Variants in OR13A1 observed in about 807,000 individuals in gnomAD.
OR13A1 encodes olfactory receptor 13A1.
Under a neutral mutation model 7.5 loss-of-function variants are expected in OR13A1, and 10 were observed. That is an observed-to-expected ratio of 1.34 (90% CI 0.83 to 2.27). The LOEUF (loss-of-function observed/expected upper bound fraction) is 2.27. Ranked by LOEUF, OR13A1 falls within the 30% of genes most tolerant of loss-of-function variation. The probability of loss-of-function intolerance (pLI) is 0.00; values close to 1 mark genes in which losing one functional copy is unlikely to be tolerated. For synonymous variants in OR13A1, 238 were observed against 177.9 expected, an observed-to-expected ratio of 1.34 and a Z score of -2.69; for missense variants, 509 against 419.1, an observed-to-expected ratio of 1.21 and a Z score of -1.87.
chr10:45,305,374 A>G (rs1838307093), intron 3 of OR13A1, among the ~76,000 whole-genome samples: 1 of 152,252 alleles, frequency 6.6e-6, no homozygotes, highest in Admixed American at 6.5e-5. Flanking sequence ...AAAATTTAAA[A>G]TAAAAATAAA....
chr10:45,303,780 C>T lies in OR13A1; in HGVS notation c.643G>A (p.Val215Ile). Residue 215 changes from valine (V) to isoleucine (I), a missense_variant, in exon 4 of 4, where the codon GTC (valine) becomes ATC (isoleucine). Physicochemically the swap from Val to Ile is conservative, Grantham distance 29. Transcript: ENST00000553795. Reference sequence around the variant, plus strand: ...AAAGCATCCGCCAGGACAATCATGACACCGTTGACGTAGGTGGAGCTGCAG... The same window carrying T: ...AAAGCATCCGCCAGGACAATCATGATACCGTTGACGTAGGTGGAGCTGCAG... ...LSCSSTYVNG[V>I]MIVLADAFYG... 1 of 1,614,030 alleles carries T rather than the reference C, an allele frequency of 6.2e-7. No individual in the cohort carries two copies. The highest frequency in any genetic ancestry group is 8.5e-7 in the Non-Finnish European group (1 of 1,180,042).
Position 45,304,073 on chromosome 10 carries a change from G to C in OR13A1, c.350C>G (p.Ala117Gly), listed in dbSNP as rs572809211. ...ESSISYGGCM[A>G]QLYFLTWAAS... is the part of the protein sequence containing the mutation. ...AGCCCACGTGAGGAAATAGAGCTGG[G>C]CCATGCAGCCCCCGTAGGAGATGGA... Residue 117 changes from alanine to glycine, a missense_variant, in exon 4 of 4, where the codon GCC becomes GGC. Coordinates refer to ENST00000553795, the MANE Select transcript of OR13A1 (RefSeq NM_001004297.3). The C allele has an allele frequency of 3.7e-6, 6 of 1,613,952 alleles. No individual in the cohort carries two copies. In the Admixed American group the frequency reaches 1.0e-4, roughly 27 times the overall value.
At chr10:45,311,128 C>T (rs1838436251) in intron 1 of OR13A1, among the ~76,000 whole-genome samples, 1 of 152,182 alleles carries the variant, frequency 6.6e-6, no homozygotes, top group South Asian at 2.1e-4. Context: ...TACCACTGCT[C>T]AATTTTTCCA....
chr10:45,304,118 C>A lies in OR13A1; in HGVS notation c.305G>T (p.Ser102Ile), dbSNP rs1485699050. 6.2e-7 allele frequency: 1 copy of A among 1,614,082 alleles called. No homozygotes were observed. Among genetic ancestry groups the A allele is most frequent in the Non-Finnish European group, 8.5e-7 (1 of 1,180,036 alleles). Residue 102 changes from serine (S) to isoleucine (I), a missense_variant, in exon 4 of 4, where the codon AGT (serine) becomes ATT (isoleucine). Physicochemically the swap from Ser to Ile is moderately radical, Grantham distance 142. Transcript: ENST00000553795. Reference protein sequence around the residue: ...TSSIMPKALASLVSEESSISY... With the variant: ...TSSIMPKALAILVSEESSISY... ...GATGGAGCTCTCTTCCGACACCAGACTGGCCAGCGCCTTGGGCATGATGGA... is the reference window on the plus strand; with the variant it reads ...GATGGAGCTCTCTTCCGACACCAGAATGGCCAGCGCCTTGGGCATGATGGA...
Position 45,303,482 on chromosome 10 carries a change from T to G in OR13A1, c.941A>C (p.Glu314Ala). Residue 314 changes from glutamate (E) to alanine (A), a missense_variant, in exon 4 of 4, where the codon GAG (glutamate) becomes GCG (alanine). Coordinates refer to ENST00000553795, the MANE Select transcript of OR13A1 (RefSeq NM_001004297.3). ...AAGCTTCCTGAGGGCTGCTTTGACCTCCTTGTTTCTCAAAGTATAGATGAG... is the reference window on the plus strand; with the variant it reads ...AAGCTTCCTGAGGGCTGCTTTGACCGCCTTGTTTCTCAAAGTATAGATGAG... The part of the protein sequence containing the change: ...NPLIYTLRNK[E>A]VKAALRKLFP... 1 of 1,611,286 alleles carries G rather than the reference T, an allele frequency of 6.2e-7. No individual in the cohort carries two copies. The highest frequency in any genetic ancestry group is 8.5e-7 in the Non-Finnish European group (1 of 1,178,576).
rs772757387 is a variant in OR13A1 at position 45,303,977 on chromosome 10, T to G, written c.446A>C (p.His149Pro). The change falls in exon 4 of 4, where the codon CAT (histidine) becomes CCT (proline). Residue 149 changes from histidine (H) to proline (P), a missense_variant. By Grantham distance (77) the His-to-Pro change is moderately conservative (BLOSUM62 -2). Coordinates refer to ENST00000553795, the MANE Select transcript of OR13A1 (RefSeq NM_001004297.3). ...CACCTTGCTCATCATGCTGCTGTAA[T>G]GCAGCGGGTGGCAGATGGCTGCGTA... ...DRYAAICHPL[H>P]YSSMMSKVFC... 6.2e-7 allele frequency: 1 copy of G among 1,613,120 alleles called. No individual in the cohort carries two copies. The highest frequency in any genetic ancestry group is 8.5e-7 in the Non-Finnish European group (1 of 1,179,390).
rs1215274720 is a variant in OR13A1 at position 45,303,911 on chromosome 10, G to C, written c.512C>G (p.Ala171Gly). Residue 171 changes from alanine (A) to glycine (G), a missense_variant, in exon 4 of 4, where the codon GCC becomes GGC. By Grantham distance (60) the Ala-to-Gly change is moderately conservative. Coordinates refer to ENST00000553795, the MANE Select transcript of OR13A1 (RefSeq NM_001004297.3). ...CCCCGTGTGGATGGCCGTGTTGACGGCGCAGAGCAGCCACACGGCTGTGGC... is the reference window on the plus strand; with the variant it reads ...CCCCGTGTGGATGGCCGTGTTGACGCCGCAGAGCAGCCACACGGCTGTGGC... Reference protein sequence around the residue: ...GLATAVWLLCAVNTAIHTGLM... With the variant: ...GLATAVWLLCGVNTAIHTGLM... The C allele has an allele frequency of 1.9e-6, 3 of 1,613,444 alleles. No homozygotes were observed.
At chr10:45,313,464 A>T (rs550672104) in intron 1 of OR13A1, among the ~76,000 whole-genome samples, 1 of 152,246 alleles carries the variant, frequency 6.6e-6, no homozygotes, top group South Asian at 2.1e-4. Flanking sequence ...AAATGGATTA[A>T]ACTCCTGAAT....
chr10:45,308,983 G>T (rs1838389954), intron 1 of OR13A1: 1 of 152,208 alleles, frequency 6.6e-6, no homozygotes, highest in Admixed American at 6.5e-5. Context: ...ATTACTCTAA[G>T]TGGACCCTGA....
intron 1 of OR13A1, among the ~76,000 whole-genome samples, chr10:45,310,135 C>A (rs1481854052): frequency 6.6e-6 from 1 of 152,186 alleles, no homozygotes; most frequent in Non-Finnish European, 1.5e-5. Context: ...GATCCATGAA[C>A]AAGGAATTCC....
In OR13A1 at chr10:45,303,692, A is replaced by G. The variant is rs1838256249; in HGVS notation, c.731T>C (p.Leu244Pro). ...ASYGFIVSSI[L>P]KVKTAWGRQK... ...CCTCCCCCAGGCAGTCTTCACCTTC[A>G]GGATGCTGGAGACGATGAAGCCATA... The change falls in exon 4 of 4, where the codon CTG (leucine) becomes CCG (proline). Residue 244 changes from leucine (L) to proline (P), a missense_variant. Physicochemically the swap from Leu to Pro is moderately conservative, Grantham distance 98 (BLOSUM62 -3). Transcript: ENST00000553795. 6.2e-7 allele frequency: 1 copy of G among 1,614,226 alleles called. No individual in the cohort carries two copies. The highest frequency in any genetic ancestry group is 8.5e-7 in the Non-Finnish European group (1 of 1,180,038).
Position 45,304,102 on chromosome 10 carries a change from C to A in OR13A1, c.321G>T (p.Glu107Asp). 1 of 1,614,104 alleles carries A rather than the reference C, an allele frequency of 6.2e-7. No individual in the cohort carries two copies. The highest frequency in any genetic ancestry group is 8.5e-7 in the Non-Finnish European group (1 of 1,179,994). The change falls in exon 4 of 4, where the codon GAG (glutamate) becomes GAT (aspartate). Residue 107 changes from glutamate to aspartate, a missense_variant. Transcript: ENST00000553795. Reference protein sequence around the residue: ...PKALASLVSEESSISYGGCMA... With the variant: ...PKALASLVSEDSSISYGGCMA... ...TGCAGCCCCCGTAGGAGATGGAGCT[C>A]TCTTCCGACACCAGACTGGCCAGCG...
chr10:45,304,471 GC>G, intron 3 of OR13A1, 37 bp from the exon 4 acceptor site: 1 of 1,550,472 alleles, frequency 6.4e-7, no homozygotes, highest in Non-Finnish European at 8.7e-7. Context: ...GAGGAAGGCT[GC>G]TCCCGTGTTT....
intron 1 of OR13A1, among the ~76,000 whole-genome samples, chr10:45,309,570 C>T (rs1838402840): frequency 1.3e-5 from 2 of 152,092 alleles, no homozygotes; most frequent in Non-Finnish European, 2.9e-5. Flanking sequence ...CTGAAAGTTA[C>T]TGGTCATGTG....
chr10:45,309,935 A>G (rs1230814128), intron 1 of OR13A1, among the ~76,000 whole-genome samples: 1 of 152,228 alleles, frequency 6.6e-6, no homozygotes, highest in Non-Finnish European at 1.5e-5. Context: ...TTCAATATAT[A>G]GAATGGGAAT....
At chr10:45,312,614 A>T (rs1267921055) in intron 1 of OR13A1, among the ~76,000 whole-genome samples, 1 of 152,094 alleles carries the variant, frequency 6.6e-6, no homozygotes, top group African/African-American at 2.4e-5. Flanking sequence ...TCACAGTGAG[A>T]CACACTATAA....
rs115469456 is a variant in OR13A1, at chr10:45,303,034, A to G, written c.*402T>C. The G allele has an allele frequency of 2.2e-3, 361 of 165,664 alleles. No individual in the cohort carries two copies. The highest frequency in any genetic ancestry group is 7.7e-3 in the African/African-American group (321 of 41,946). The allele number at this position is 165,664 out of a possible 1,614,324, so 10.3% of individuals were successfully genotyped here. A position where few individuals can be genotyped will look rare whatever the true frequency, so the allele number is the denominator to read the frequency against. ...CCCTTCAGGGGCTGTGGGGTCCACA[A>G]TTCTGCCTAACTTTTTAGACCCACA... is the stretch of plus-strand genomic sequence containing the variant. On this transcript the variant is annotated 3_prime_UTR_variant, in exon 4 of 4. Transcript: ENST00000553795.
Position 45,303,687 on chromosome 10 carries a change from C to T in OR13A1, c.736G>A (p.Val246Met), listed in dbSNP as rs374173884. ...YGFIVSSILK[V>M]KTAWGRQKAF... ...TTCTGCCTCCCCCAGGCAGTCTTCA[C>T]CTTCAGGATGCTGGAGACGATGAAG... Residue 246 changes from valine (V) to methionine (M), a missense_variant, in exon 4 of 4, where the codon GTG becomes ATG. Transcript: ENST00000553795. The T allele has an allele frequency of 3.7e-6, 6 of 1,614,212 alleles. No individual in the cohort carries two copies. In the South Asian group the frequency reaches 5.5e-5, roughly 15 times the overall value.
At chr10:45,308,291 C>T (rs532743640) in intron 1 of OR13A1, among the ~76,000 whole-genome samples, 5 of 152,324 alleles carry the variant, frequency 3.3e-5, no homozygotes, top group African/African-American at 1.2e-4. Flanking sequence ...AATAACTTAC[C>T]CTGGTCACAC....
Sources: gnomAD v4.1 joint callset for allele counts (sites outside exome capture counted in the v4.1 genomes callset) on GRCh38, gnomAD v4.1.1 for gene constraint, MANE v1.5 for transcripts, NCBI Gene and HGNC (gene_info 2026-07-23, HGNC 2026-07-21) for gene names.